The following AFAP1L2 variants were observed in gnomAD, a reference collection of about 807,000 sequenced individuals.
AFAP1L2 encodes actin filament-associated protein 1-like 2.
A neutral mutation model predicts 99.3 loss-of-function variants in AFAP1L2; 46 were observed. The observed-to-expected ratio is 0.46, with a 90% CI of 0.37 to 0.59. The LOEUF is 0.59. Ranked by LOEUF, AFAP1L2 falls within the 20% of genes least tolerant of loss-of-function variation. The pLI is 0.00. For synonymous variants in AFAP1L2, 397 were observed against 419.1 expected (o/e 0.95, Z 0.64); for missense variants, 959 against 1,034.9 (o/e 0.93, Z 1.01).
downstream of AFAP1L2, chr10:114,290,048 T>C: frequency 1.7e-6 from 1 of 572,180 alleles, no homozygotes; most frequent in Non-Finnish European, 3.0e-6. Context: ...CAATGGACTC[T>C]CCATGAGTCT....
intron 1 of AFAP1L2, among the ~76,000 whole-genome samples, chr10:114,342,129 G>T (rs1425088066): frequency 1.3e-5 from 2 of 152,214 alleles, no homozygotes; most frequent in Admixed American, 6.5e-5. Flanking sequence ...TTGGGAAGCT[G>T]CTGATTGCTT....
At chr10:114,327,177 T>A (rs200534847) in intron 4 of AFAP1L2, among the ~76,000 whole-genome samples, 21,921 of 64,878 alleles carry the variant, frequency 0.34, 6,798 homozygotes, top group East Asian at 0.81. Flanking sequence ...ATATATATTT[T>A]TTTTTTAGGC....
chr10:114,309,012 G>T (rs936492900), intron 8 of AFAP1L2, among the ~76,000 whole-genome samples: 3 of 152,214 alleles, frequency 2.0e-5, no homozygotes, highest in South Asian at 4.1e-4. Context: ...ATCCCAGTCT[G>T]CTCACAGGGG....
At chr10:114,401,599 A>G (rs1394545387) in intron 1 of AFAP1L2, among the ~76,000 whole-genome samples, 1 of 152,160 alleles carries the variant, frequency 6.6e-6, no homozygotes, top group African/African-American at 2.4e-5. Flanking sequence ...TAAAAGTGCC[A>G]TCTCTCTAGG....
rs182942590 is a variant in AFAP1L2 at position 114,341,909 on chromosome 10, G to A, written c.17-1178C>T. 2.3e-3 allele frequency among the ~76,000 whole-genome samples: 349 copies of A among 152,308 alleles called. 2 individuals carry two copies. The highest frequency in any genetic ancestry group is 4.1e-3 in the Non-Finnish European group (280 of 68,028). On this transcript the variant is annotated intron_variant, in intron 1 of 18. Transcript: ENST00000304129. ...GAATTTGAGAGGCATAAGGCAGAAG[G>A]GGAAACTGAGACAAGTCTCAGAGCA...
intron 1 of AFAP1L2, among the ~76,000 whole-genome samples, chr10:114,354,894 T>C (rs1216035369): frequency 6.6e-6 from 1 of 152,226 alleles, no homozygotes; most frequent in Non-Finnish European, 1.5e-5. Flanking sequence ...TAGGCTTTAG[T>C]CACTGATGAC....
At chr10:114,302,101 G>A (rs962594264) in intron 12 of AFAP1L2, 1 of 535,244 alleles carries the variant, frequency 1.9e-6, no homozygotes, top group Admixed American at 3.2e-5. Context: ...AACTGCCTCT[G>A]AGGATGCCAA....
At chr10:114,340,311 C>A (rs2048632521) in intron 2 of AFAP1L2, among the ~76,000 whole-genome samples, 1 of 152,078 alleles carries the variant, frequency 6.6e-6, no homozygotes, top group African/African-American at 2.4e-5. Context: ...CAGAGTGAGC[C>A]CCTGCTTCAA....
intron 1 of AFAP1L2, among the ~76,000 whole-genome samples, chr10:114,361,642 G>A (rs1420463544): frequency 1.3e-5 from 2 of 152,178 alleles, no homozygotes; most frequent in Admixed American, 6.5e-5. Flanking sequence ...TGGCAGCTAC[G>A]AGGTCACATC....
intron 10 of AFAP1L2, 198 bp from the exon 11 acceptor site, chr10:114,305,128 G>A (rs1370180239): frequency 1.1e-5 from 5 of 444,604 alleles, no homozygotes; most frequent in East Asian, 9.3e-5. Flanking sequence ...TGCAGGAGGG[G>A]ACGCAGATGC....
chr10:114,318,119 A>T (rs530113777), intron 5 of AFAP1L2, among the ~76,000 whole-genome samples: 45 of 152,368 alleles, frequency 3.0e-4, no homozygotes, highest in African/African-American at 1.0e-3. Context: ...AAAAAGCTCA[A>T]AATAGTTGAT....
At chr10:114,333,189 T>G in intron 3 of AFAP1L2, 32 bp downstream of exon 3, 1 of 1,594,402 alleles carries the variant, frequency 6.3e-7, no homozygotes, top group Non-Finnish European at 8.6e-7. Context: ...GGAGTGGCCA[T>G]CATACCAGCG....
chr10:114,361,912 CT>C (rs769157724), intron 1 of AFAP1L2, among the ~76,000 whole-genome samples: 31 of 152,140 alleles, frequency 2.0e-4, no homozygotes, highest in Non-Finnish European at 3.8e-4. Context: ...TGCAAAATTT[CT>C]GGTATTCTTC....
the AFAP1L2 span, chr10:114,289,289 G>T: frequency 2.5e-6 from 4 of 1,613,950 alleles, no homozygotes; most frequent in Non-Finnish European, 3.4e-6. Context: ...GTGCTCACAG[G>T]CGGGAGAGGC....
At chr10:114,296,943 G>C (rs1334457530) in intron 18 of AFAP1L2, 35 bp downstream of exon 18, 6 of 1,613,758 alleles carry the variant, frequency 3.7e-6, no homozygotes, top group South Asian at 2.2e-5. Context: ...TGACATTTCT[G>C]CTGGCCCCAA....
At chr10:114,391,462 C>T (rs941609158) in intron 1 of AFAP1L2, among the ~76,000 whole-genome samples, 1 of 152,150 alleles carries the variant, frequency 6.6e-6, no homozygotes, top group African/African-American at 2.4e-5. Flanking sequence ...TCAGGTGATC[C>T]ACCTGCCTCA....
At chr10:114,343,686 T>A (rs1309508174) in intron 1 of AFAP1L2, among the ~76,000 whole-genome samples, 2 of 152,114 alleles carry the variant, frequency 1.3e-5, no homozygotes, top group Non-Finnish European at 2.9e-5. Flanking sequence ...ATCGGCGGGA[T>A]CAGTTACTAT....
In AFAP1L2 at chr10:114,377,890, A is replaced by G. The variant is rs1009046022; in HGVS notation, c.16+26550T>C. Among the ~76,000 whole-genome samples the G allele has an allele frequency of 1.3e-5, 2 of 152,322 alleles. No homozygotes were observed. Among genetic ancestry groups the G allele is most frequent in the African/African-American group, 2.4e-5 (1 of 41,578 alleles). ...TCTGAGGGATTCTACAGAGAGCTCA[A>G]ATGTGTTTCCTACACTTCTCAGGAG... is the stretch of plus-strand genomic sequence containing the variant. On this transcript the variant is annotated intron_variant, in intron 1 of 18. Transcript: ENST00000304129. The surrounding 1 kb of genome is among the most constrained non-coding windows in gnomAD (Gnocchi z 4.0).
chr10:114,309,686 T>C (rs503523), intron 8 of AFAP1L2, among the ~76,000 whole-genome samples: 136,515 of 152,186 alleles, frequency 0.9, 61,443 homozygotes, highest in East Asian at 0.97. Context: ...CTTGAGATAG[T>C]GCCCCAAGCC....
Sources: gnomAD v4.1 joint callset for allele counts (sites outside exome capture counted in the v4.1 genomes callset) on GRCh38, gnomAD v4.1.1 for gene constraint, Gnocchi (gnomAD v3.1) non-coding constraint, MANE v1.5 for transcripts, NCBI Gene and HGNC (gene_info 2026-07-23, HGNC 2026-07-21) for gene names.